The following FGGY variants were observed in gnomAD, a reference collection of about 807,000 sequenced individuals.
The protein encoded by FGGY is FGGY carbohydrate kinase domain containing, also known as FGGY carbohydrate kinase domain-containing protein.
A neutral mutation model predicts 71.3 loss-of-function variants in FGGY; 72 were observed. That is an observed-to-expected ratio of 1.01 (90% confidence interval 0.84 to 1.23). The LOEUF (loss-of-function observed/expected upper bound fraction) is 1.23. Ranked by LOEUF, FGGY falls within the 50% of genes most tolerant of loss-of-function variation. The pLI is 0.00. For missense variants in FGGY, 668 were observed against 682.3 expected, an observed-to-expected ratio of 0.98 and a Z score of 0.23; for synonymous variants, 251 against 250.3, an observed-to-expected ratio of 1.00 and a Z score of -0.02.
intron 6 of FGGY, among the ~76,000 whole-genome samples, chr1:59,468,753 T>C (rs1311929284): frequency 6.6e-6 from 1 of 151,594 alleles, no homozygotes; most frequent in Non-Finnish European, 1.5e-5. Flanking sequence ...GCGCCTGTAG[T>C]CCCAGCTACT....
chr1:59,655,816 A>G (rs2097213073), intron 11 of FGGY, among the ~76,000 whole-genome samples: 1 of 152,204 alleles, frequency 6.6e-6, no homozygotes, highest in Non-Finnish European at 1.5e-5. Context: ...TTGAGGTATT[A>G]TCCCTTTTTT....
chr1:59,674,415 C>G (rs78040415), intron 14 of FGGY, among the ~76,000 whole-genome samples: 4,602 of 152,170 alleles, frequency 0.03, 236 homozygotes, highest in African/African-American at 0.11. Context: ...CCCTTGACCA[C>G]TTTTCTTTGA....
chr1:59,459,906 G>T (rs1224757497), intron 6 of FGGY, among the ~76,000 whole-genome samples: 1 of 152,136 alleles, frequency 6.6e-6, no homozygotes, highest in African/African-American at 2.4e-5. Context: ...TACTAACAGG[G>T]TTTGTCATAT....
At chr1:59,524,036 G>A (rs1266479058) in intron 7 of FGGY, among the ~76,000 whole-genome samples, 1 of 152,226 alleles carries the variant, frequency 6.6e-6, no homozygotes, top group Admixed American at 6.5e-5. Context: ...CTGGACCTGG[G>A]CATCCCTACG....
intron 7 of FGGY, among the ~76,000 whole-genome samples, chr1:59,536,257 C>T (rs1367484841): frequency 6.6e-6 from 1 of 152,110 alleles, no homozygotes; most frequent in East Asian, 1.9e-4. Context: ...TCGACACATA[C>T]ACTTTCCCAA....
intron 5 of FGGY, among the ~76,000 whole-genome samples, chr1:59,386,119 C>A (rs538617028): frequency 2.6e-5 from 4 of 152,112 alleles, no homozygotes; most frequent in African/African-American, 9.7e-5. Flanking sequence ...TATTATGATA[C>A]ATTTGTCATA....
chr1:59,649,786 T>G (rs1273027894), intron 11 of FGGY, among the ~76,000 whole-genome samples: 7 of 142,724 alleles, frequency 4.9e-5, no homozygotes, highest in African/African-American at 2.1e-4. Flanking sequence ...TCCAACACTG[T>G]GTTGAATAGG....
intron 8 of FGGY, among the ~76,000 whole-genome samples, chr1:59,566,316 G>A (rs2095872323): frequency 6.6e-6 from 1 of 152,132 alleles, no homozygotes; most frequent in African/African-American, 2.4e-5. Context: ...AGAGGCTTTA[G>A]TATTTATGCC....
chr1:59,462,692 AAC>A (rs1303873503), intron 6 of FGGY, among the ~76,000 whole-genome samples: 2 of 152,206 alleles, frequency 1.3e-5, no homozygotes, highest in Non-Finnish European at 2.9e-5. Context: ...ATGCAGCCAA[AAC>A]ACACATGAAA....
intron 11 of FGGY, among the ~76,000 whole-genome samples, chr1:59,646,660 A>T (rs1558659367): frequency 6.6e-6 from 1 of 152,166 alleles, no homozygotes; most frequent in Non-Finnish European, 1.5e-5. Flanking sequence ...ACCAGGCACC[A>T]TGGTAGATGC....
intron 5 of FGGY, among the ~76,000 whole-genome samples, chr1:59,423,415 C>A (rs1033932295): frequency 3.3e-5 from 5 of 152,196 alleles, no homozygotes; most frequent in African/African-American, 4.8e-5. Flanking sequence ...TTCTCTGATA[C>A]CGTGAAGATC....
intron 4 of FGGY, among the ~76,000 whole-genome samples, chr1:59,371,583 C>A (rs1350145338): frequency 6.6e-6 from 1 of 152,182 alleles, no homozygotes; most frequent in Non-Finnish European, 1.5e-5. Flanking sequence ...GAACTCTCCA[C>A]CCCAAATCAA....
intron 14 of FGGY, among the ~76,000 whole-genome samples, chr1:59,751,512 T>C (rs954958889): frequency 6.6e-6 from 1 of 152,260 alleles, no homozygotes; most frequent in Non-Finnish European, 1.5e-5. Flanking sequence ...TGAACCAAAG[T>C]ATTTCCAATG....
intron 5 of FGGY, among the ~76,000 whole-genome samples, chr1:59,403,527 T>G (rs74087441): frequency 0.042 from 6,317 of 152,168 alleles, 398 homozygotes; most frequent in African/African-American, 0.14. Context: ...AATGAGGAAA[T>G]ACCTCACAAG....
Position 59,378,816 on chromosome 1 carries a change from A to ATT in FGGY, c.533_534insTT (p.Lys178AsnfsTer33). 6.2e-7 allele frequency: 1 copy of ATT among 1,613,450 alleles called. No homozygotes were observed. Among genetic ancestry groups the ATT allele is most frequent in the Non-Finnish European group, 8.5e-7 (1 of 1,179,562 alleles). On this transcript the variant is annotated frameshift_variant, in exon 5 of 16. Coordinates refer to ENST00000303721, the MANE Select transcript of FGGY (RefSeq NM_018291.5). LOFTEE classifies it high-confidence loss of function. ...GATCTCCCGGACTTCTTATCGTGGA[A>ATT]GGCAACAGGTGTCACAGCACGGTAT...
intron 5 of FGGY, among the ~76,000 whole-genome samples, chr1:59,385,416 G>A (rs1010812046): frequency 6.6e-6 from 1 of 152,024 alleles, no homozygotes; most frequent in Admixed American, 6.6e-5. Flanking sequence ...TCTGTGCTAG[G>A]CATATTTAGC....
intron 11 of FGGY, among the ~76,000 whole-genome samples, chr1:59,641,559 A>G (rs1307557053): frequency 6.6e-6 from 1 of 152,222 alleles, no homozygotes; most frequent in Non-Finnish European, 1.5e-5. Flanking sequence ...TCTCTGTAAT[A>G]ATCAGTGCAA....
rs757190121 is a variant in FGGY at position 59,346,264 on chromosome 1, G to A, written c.331G>A (p.Val111Ile). The change falls in exon 4 of 16, where the codon GTC becomes ATC. Residue 111 changes from valine (V) to isoleucine (I), a missense_variant. Physicochemically the swap from Val to Ile is conservative, Grantham distance 29 (BLOSUM62 3). Transcript: ENST00000303721. Reference sequence around the variant, plus strand: ...TCTGCTAGGGGATTCCCATCGAAACGTCATCATGTGGCTGGACCATCGAGC... The same window carrying A: ...TCTGCTAGGGGATTCCCATCGAAACATCATCATGTGGCTGGACCATCGAGC... ...VNQEGDSHRNVIMWLDHRAVS... is the reference protein window; with the variant it reads ...VNQEGDSHRNIIMWLDHRAVS... The A allele has an allele frequency of 9.3e-6, 15 of 1,612,722 alleles. No individual in the cohort carries two copies. The highest frequency in any genetic ancestry group is 3.3e-5 in the South Asian group (3 of 91,032).
chr1:59,615,545 A>T (rs1158764879), intron 9 of FGGY, among the ~76,000 whole-genome samples: 1 of 152,204 alleles, frequency 6.6e-6, no homozygotes, highest in Non-Finnish European at 1.5e-5. Flanking sequence ...TAAAAACCCT[A>T]GAAGAAAACC....
Sources: allele counts gnomAD v4.1 joint callset (sites outside exome capture counted in the v4.1 genomes callset), GRCh38; gene constraint gnomAD v4.1.1; transcripts MANE v1.5; gene names NCBI Gene and HGNC (gene_info 2026-07-23, HGNC 2026-07-21).